The following APOB variants were observed in gnomAD, a reference collection of about 807,000 sequenced individuals.
APOB encodes the protein apolipoprotein B-100.
Under a neutral mutation model 314.1 loss-of-function variants are expected in APOB, and 153 were observed. The observed-to-expected ratio is 0.49, with a 90% CI of 0.43 to 0.56. The LOEUF is 0.56. APOB is among the 20% of genes least tolerant of loss of function. The pLI, the probability that APOB is intolerant of heterozygous loss-of-function variation, is 0.00. For missense variants in APOB, 5,430 were observed against 5,350.7 expected, an observed-to-expected ratio of 1.01 and a Z score of -0.46; for synonymous variants, 2,087 against 2,036.4, an observed-to-expected ratio of 1.02 and a Z score of -0.67.
intron 5 of APOB, 38 bp from the exon 6 acceptor site, chr2:21,037,293 C>A (rs776032416): frequency 1.3e-6 from 2 of 1,598,598 alleles, no homozygotes; most frequent in East Asian, 4.5e-5. Flanking sequence ...GTATTCAACA[C>A]GGGCAACATC....
rs140647761 is a variant in APOB at position 21,006,513 on chromosome 2, G to A, written c.10355C>T (p.Pro3452Leu). The A allele has an allele frequency of 4.3e-6, 7 of 1,614,108 alleles. No homozygotes were observed. The African/African-American group carries it at 6.7e-5, about 15-fold the overall frequency. The change falls in exon 26 of 29, where the codon CCT becomes CTT. Residue 3452 changes from proline to leucine, a missense_variant. By Grantham distance (98) the Pro-to-Leu change is moderately conservative. This residue lies in a region of APOB where 3,281 missense variants were observed against 3,171.0 expected (regional missense o/e 1.03). Transcript: ENST00000233242. ...QELNGNTKSK[P>L]TVSSSMEFKY... Reference sequence around the variant, plus strand: ...AAATTCCATGGAGGAAGAGACAGTAGGTTTTGACTTGGTATTTCCATTAAG... The same window carrying A: ...AAATTCCATGGAGGAAGAGACAGTAAGTTTTGACTTGGTATTTCCATTAAG...
intron 18 of APOB, among the ~76,000 whole-genome samples, chr2:21,021,255 C>T (rs563121607): frequency 2.0e-5 from 3 of 151,460 alleles, no homozygotes; most frequent in Non-Finnish European, 4.4e-5. Flanking sequence ...TGCCTTGTCC[C>T]CATACCCAGT....
chr2:21,026,883 T>C lies in APOB; in HGVS notation c.2149A>G (p.Lys717Glu). ...TGACCATTAACCCAGTACAAAGCTTTGTTGACACTGTCTGGGAAAAATCCT... is the reference window on the plus strand; with the variant it reads ...TGACCATTAACCCAGTACAAAGCTTCGTTGACACTGTCTGGGAAAAATCCT... ...KQGFFPDSVN[K>E]ALYWVNGQVP... Residue 717 changes from lysine to glutamate, a missense_variant, in exon 15 of 29, where the codon AAA becomes GAA. Around this residue, in one of 3 missense-constraint regions of APOB, gnomAD observed 2,085 missense variants for 2,079.7 expected, o/e 1.00. Coordinates refer to ENST00000233242, the MANE Select transcript of APOB (RefSeq NM_000384.3). The C allele has an allele frequency of 1.9e-6, 3 of 1,614,182 alleles. No homozygotes were observed. Among genetic ancestry groups the C allele is most frequent in the Non-Finnish European group, 2.5e-6 (3 of 1,180,010 alleles).
chr2:21,006,713 T>A lies in APOB; in HGVS notation c.10155A>T (p.Thr3385=). 1 of 1,614,104 alleles carries A rather than the reference T, an allele frequency of 6.2e-7. No homozygotes were observed. Among genetic ancestry groups the A allele is most frequent in the Non-Finnish European group, 8.5e-7 (1 of 1,179,970 alleles). Residue 3385 remains threonine (T), a synonymous_variant, in exon 26 of 29, where the codon ACA becomes ACT. Transcript: ENST00000233242. The stretch of plus-strand genomic sequence containing the variant: ...TCAATCCCCTTTTTCTTGTCAATCT[T>A]GTGGTGCCCTCTAATTTGTACTGCA... ...DALQYKLEGT[T]RLTRKRGLKL... is the part of the protein sequence containing the mutation.
intron 24 of APOB, 87 bp from the exon 25 acceptor site, chr2:21,013,620 AC>A: frequency 6.3e-7 from 1 of 1,579,380 alleles, no homozygotes; most frequent in African/African-American, 1.3e-5. Flanking sequence ...ACAATATTGT[AC>A]TTGCCCCATT....
In APOB at chr2:21,022,210, C is replaced by T. The variant is rs564571506; in HGVS notation, c.2816+621G>A. 7.2e-4 allele frequency among the ~76,000 whole-genome samples: 110 copies of T among 152,254 alleles called. No homozygotes were observed. The South Asian group carries it at 0.013, about 18-fold the overall frequency. The stretch of plus-strand genomic sequence containing the variant: ...TCCAAACACCAGGGCTCAAGCGATC[C>T]ATCCACCTGGGGCTCCCAAAGTGCT... On this transcript the variant is annotated intron_variant, in intron 18 of 28. Coordinates refer to ENST00000233242, the MANE Select transcript of APOB (RefSeq NM_000384.3).
At position 21,023,709 on chromosome 2, in the gene APOB, G is replaced by T. The variant is rs764415047; in HGVS notation, c.2437-17C>A. ...CTCTCCAATCTGTAGACCCAACAAG[G>T]GAGAGCAAATAAAAGTAAGTCTTTT... On this transcript the variant is annotated splice_polypyrimidine_tract_variant and intron_variant, in intron 16 of 28. Transcript: ENST00000233242. The T allele has an allele frequency of 6.3e-7, 1 of 1,577,234 alleles. No homozygotes were observed. The highest frequency in any genetic ancestry group is 8.6e-7 in the Non-Finnish European group (1 of 1,160,366).
chr2:21,017,200 T>C (rs1663500743), intron 20 of APOB, among the ~76,000 whole-genome samples: 1 of 152,004 alleles, frequency 6.6e-6, no homozygotes, highest in Admixed American at 6.5e-5. Context: ...TTAAACTCAG[T>C]TGTGTTCATG....
rs371908658 is a variant in APOB at position 21,020,001 on chromosome 2, TC to T, written c.2817-97del. The T allele has an allele frequency of 1.4e-3, 1,535 of 1,121,128 alleles. 9 individuals carry two copies. The African/African-American group carries it at 0.021, about 15-fold the overall frequency. 69.4% of individuals were successfully genotyped at this position (1,121,128 alleles called of 1,614,324 possible). A position where few individuals can be genotyped will look rare whatever the true frequency, so the allele number is the denominator to read the frequency against. On this transcript the variant is annotated intron_variant, in intron 18 of 28. Transcript: ENST00000233242. The stretch of plus-strand genomic sequence containing the variant: ...GTGCAAATACCCCCTTATCCTCCTG[TC>T]TTCCCTCAGTCCACACCTATCTCTA...
chr2:21,009,283 G>T lies in APOB; in HGVS notation c.7585C>A (p.Gln2529Lys), dbSNP rs747140161. The T allele has an allele frequency of 2.0e-5, 32 of 1,613,942 alleles. No individual in the cohort carries two copies. The highest frequency in any genetic ancestry group is 5.0e-5 in the Admixed American group (3 of 59,994). ...TRDRMYQMDI[Q>K]QELQRYLSLV... ...GACAGGTATCGTTGAAGTTCCTGCT[G>T]AATGTCCATTTGATACATTCGGTCT... The change falls in exon 26 of 29, where the codon CAG becomes AAG. Residue 2529 changes from glutamine (Q) to lysine (K), a missense_variant. Coordinates refer to ENST00000233242, the MANE Select transcript of APOB (RefSeq NM_000384.3).
rs72653090 is a variant in APOB, at chr2:21,009,716, A to G, written c.7152T>C (p.Val2384=). The G allele has an allele frequency of 4.6e-4, 743 of 1,613,748 alleles. No individual in the cohort carries two copies. The highest frequency in any genetic ancestry group is 5.8e-4 in the Non-Finnish European group (688 of 1,179,824). The change falls in exon 26 of 29, where the codon GTT becomes GTC. Residue 2384 remains valine (V), a synonymous_variant. Transcript: ENST00000233242. ...IQKLSNVLQQ[V]KIKDYFEKLV... ...ATTTCTCAAAGTAATCTTTTATCTT[A>G]ACTTGTTGTAGGACATTGCTTAGCT...
In APOB at chr2:21,002,593, A is replaced by G. The variant is rs1663016434; in HGVS notation, c.12829T>C (p.Ser4277Pro). 1 of 1,614,052 alleles carries G rather than the reference A, an allele frequency of 6.2e-7. No homozygotes were observed. Among genetic ancestry groups the G allele is most frequent in the South Asian group, 1.1e-5 (1 of 91,080 alleles). ...TTAAATACCTCTTGGGCTTCTTTTG[A>G]TAAATCTTTCAACAGTTCCCTATAC... is the stretch of plus-strand genomic sequence containing the variant. ...SMYRELLKDL[S>P]KEAQEVFKAI... Residue 4277 changes from serine to proline, a missense_variant, in exon 29 of 29, where the codon TCA (serine) becomes CCA (proline). Around this residue, in one of 3 missense-constraint regions of APOB, gnomAD observed 3,281 missense variants for 3,171.0 expected, o/e 1.03. Coordinates refer to ENST00000233242, the MANE Select transcript of APOB (RefSeq NM_000384.3).
chr2:21,016,012 G>A (rs746904523), intron 21 of APOB, among the ~76,000 whole-genome samples: 4 of 152,194 alleles, frequency 2.6e-5, no homozygotes, highest in South Asian at 2.1e-4. Context: ...GAGCTTGGCC[G>A]GGTGCAGTGG....
rs1572781212 is a variant in APOB at position 21,008,672 on chromosome 2, T to C, written c.8196A>G (p.Gln2732=). The C allele has an allele frequency of 1.2e-6, 2 of 1,614,122 alleles. No individual in the cohort carries two copies. The highest frequency in any genetic ancestry group is 8.5e-7 in the Non-Finnish European group (1 of 1,179,972). ...ATTCTGGTATGTGAAGGTCAGGAACTTGAAAATCATTAAGGTTGAGAGTTG... is the reference window on the plus strand; with the variant it reads ...ATTCTGGTATGTGAAGGTCAGGAACCTGAAAATCATTAAGGTTGAGAGTTG... ...IIPTLNLNDF[Q]VPDLHIPEFQ... Residue 2732 remains glutamine (Q), a synonymous_variant, in exon 26 of 29, where the codon CAA becomes CAG. Coordinates refer to ENST00000233242, the MANE Select transcript of APOB (RefSeq NM_000384.3).
In APOB at chr2:21,002,403, T is replaced by A. The variant is rs1384360004; in HGVS notation, c.13019A>T (p.Tyr4340Phe). ...QDEINTIFSD[Y>F]IPYVFKLLKE... ...CAACAATTTAAAAACATATGGGATA[T>A]AATCACTGAAGATTGTGTTGATCTC... The change falls in exon 29 of 29, where the codon TAT becomes TTT. Residue 4340 changes from tyrosine (Y) to phenylalanine (F), a missense_variant. This residue lies in a region of APOB where 3,281 missense variants were observed against 3,171.0 expected (regional missense o/e 1.03). Coordinates refer to ENST00000233242, the MANE Select transcript of APOB (RefSeq NM_000384.3). 9 of 1,602,160 alleles carry A rather than the reference T, an allele frequency of 5.6e-6. No individual in the cohort carries two copies. The highest frequency in any genetic ancestry group is 2.7e-5 in the African/African-American group (2 of 74,328).
intron 12 of APOB, 80 bp from the exon 13 acceptor site, chr2:21,028,618 G>T (rs1300078849): frequency 2.1e-6 from 2 of 962,890 alleles, no homozygotes; most frequent in Non-Finnish European, 3.3e-6. Flanking sequence ...GGCATTGTCT[G>T]CTAGCTCTTT....
At chr2:21,034,747 A>G in intron 8 of APOB, 69 bp downstream of exon 8, 1 of 873,514 alleles carries the variant, frequency 1.1e-6, no homozygotes, top group Non-Finnish European at 2.0e-6. Flanking sequence ...AGGGCTCAGC[A>G]AGTGGCTAAG....
intron 1 of APOB, 54 bp from the exon 2 acceptor site, chr2:21,043,605 C>G: frequency 6.4e-7 from 1 of 1,568,450 alleles, no homozygotes. Flanking sequence ...CCAGCGGGTG[C>G]TAGGGCCCGA....
In APOB at chr2:21,002,916, T is replaced by A; in HGVS notation, c.12506A>T (p.Asp4169Val). Residue 4169 changes from aspartate to valine, a missense_variant, in exon 29 of 29, where the codon GAT (aspartate) becomes GTT (valine). This residue lies in a region of APOB where 3,281 missense variants were observed against 3,171.0 expected (regional missense o/e 1.03). Coordinates refer to ENST00000233242, the MANE Select transcript of APOB (RefSeq NM_000384.3). ...TCGTACCAAGCCATCAAACACGTTA[T>A]CCTTGAGTCCCTGGAAACTGGCTTG... is the stretch of plus-strand genomic sequence containing the variant. ...EGQASFQGLK[D>V]NVFDGLVRVT... 6.2e-7 allele frequency: 1 copy of A among 1,613,638 alleles called. No individual in the cohort carries two copies. The highest frequency in any genetic ancestry group is 1.1e-5 in the South Asian group (1 of 90,972).
Sources: gnomAD v4.1 joint callset for allele counts (sites outside exome capture counted in the v4.1 genomes callset) on GRCh38, gnomAD v4.1.1 for gene constraint, gnomAD v4.1.1 regional missense constraint, MANE v1.5 for transcripts, NCBI Gene and HGNC (gene_info 2026-07-23, HGNC 2026-07-21) for gene names.